TINAG: variants seen among roughly 807,000 people sequenced by gnomAD.
TINAG encodes tubulointerstitial nephritis antigen.
TINAG carries 83 observed loss-of-function variants against 72.7 expected under a neutral mutation model. The ratio of observed to expected loss-of-function variants is 1.14; its 90% CI spans 0.96 to 1.37. The LOEUF (loss-of-function observed/expected upper bound fraction) is 1.37. Ranked by LOEUF, TINAG falls within the 40% of genes most tolerant of loss-of-function variation. The probability of loss-of-function intolerance (pLI) is 0.00; values close to 1 mark genes in which losing one functional copy is unlikely to be tolerated. For synonymous variants in TINAG, 234 were observed against 189.9 expected (o/e 1.23, Z -1.91); for missense variants, 685 against 576.6 (o/e 1.19, Z -1.93).
At chr6:54,323,741 G>T (rs1428167699) in intron 3 of TINAG, among the ~76,000 whole-genome samples, 1 of 152,178 alleles carries the variant, frequency 6.6e-6, no homozygotes, top group Non-Finnish European at 1.5e-5. Context: ...ATCATTTGAG[G>T]TCAGGAGTTT....
chr6:54,320,448 C>T, intron 1 of TINAG, 131 bp from the exon 2 acceptor site: 5 of 627,494 alleles, frequency 8.0e-6, no homozygotes, highest in Non-Finnish European at 1.3e-5. Context: ...ACATGGATTT[C>T]TATCAGCTTT....
intron 4 of TINAG, among the ~76,000 whole-genome samples, chr6:54,334,720 G>A (rs1321521202): frequency 6.6e-6 from 1 of 152,062 alleles, no homozygotes; most frequent in African/African-American, 2.4e-5. Flanking sequence ...TCCTGAATTG[G>A]CCAATGCTAA....
chr6:54,377,127 C>T (rs1354700038), intron 9 of TINAG, among the ~76,000 whole-genome samples: 1 of 151,952 alleles, frequency 6.6e-6, no homozygotes, highest in Non-Finnish European at 1.5e-5. Context: ...TGTGGATTTC[C>T]TTGAGGAAAA....
At chr6:54,343,405 CTG>C (rs1350358489) in intron 5 of TINAG, 56 bp downstream of exon 5, 4 of 1,355,504 alleles carry the variant, frequency 3.0e-6, no homozygotes, top group Non-Finnish European at 3.9e-6. Flanking sequence ...GCTCTAGAGA[CTG>C]AGAGAATAAT....
In TINAG at chr6:54,351,370, G is replaced by T. The variant is rs761456366; in HGVS notation, c.1099G>T (p.Glu367Ter). ...VSSNETEIMK[E>*]IMQNGPVQAI... is the part of the protein sequence containing the mutation. ...CATCCAGGAAACTGAGATAATGAAA[G>T]AAATCATGCAAAATGGACCAGTTCA... Residue 367 changes from glutamate (E) to a stop codon, truncating the protein, a stop_gained, in exon 8 of 11, where the codon GAA (glutamate) becomes TAA (stop). Transcript: ENST00000259782. LOFTEE classifies it high-confidence loss of function. 1 of 1,610,082 alleles carries T rather than the reference G, an allele frequency of 6.2e-7. No individual in the cohort carries two copies. The highest frequency in any genetic ancestry group is 8.5e-7 in the Non-Finnish European group (1 of 1,177,820).
intron 9 of TINAG, among the ~76,000 whole-genome samples, chr6:54,356,016 G>A (rs1441153800): frequency 6.6e-6 from 1 of 151,660 alleles, no homozygotes; most frequent in African/African-American, 2.4e-5. Context: ...CTAACACTGG[G>A]TTTGAAAGAA....
chr6:54,340,622 C>T (rs1784974204), intron 4 of TINAG, among the ~76,000 whole-genome samples: 1 of 152,064 alleles, frequency 6.6e-6, no homozygotes. Flanking sequence ...TATGTGCCTG[C>T]TGCTCCTCAA....
chr6:54,328,661 T>C (rs941932343), intron 4 of TINAG, among the ~76,000 whole-genome samples: 1 of 151,870 alleles, frequency 6.6e-6, no homozygotes, highest in African/African-American at 2.4e-5. Flanking sequence ...AGGTGGATAA[T>C]AACAAACTCC....
intron 9 of TINAG, among the ~76,000 whole-genome samples, chr6:54,364,812 G>T (rs866947311): frequency 6.6e-6 from 1 of 150,984 alleles, no homozygotes. Flanking sequence ...TCTAGCTCTG[G>T]TTAAAGATAT....
chr6:54,355,212 G>A (rs1762996470), intron 9 of TINAG, among the ~76,000 whole-genome samples: 1 of 151,862 alleles, frequency 6.6e-6, no homozygotes, highest in Non-Finnish European at 1.5e-5. Context: ...GTGTGGTTAT[G>A]AGACCACTTT....
At chr6:54,366,091 A>T (rs12189890) in intron 9 of TINAG, among the ~76,000 whole-genome samples, 23,989 of 151,604 alleles carry the variant, frequency 0.16, 2,032 homozygotes, top group Non-Finnish European at 0.18. Flanking sequence ...TAGAACTCTC[A>T]CGAAATACAA....
At chr6:54,358,406 G>A (rs761319766) in intron 9 of TINAG, among the ~76,000 whole-genome samples, 13 of 151,602 alleles carry the variant, frequency 8.6e-5, no homozygotes, top group African/African-American at 2.2e-4. Context: ...CACTAAATAC[G>A]GTACTGATCC....
intron 9 of TINAG, among the ~76,000 whole-genome samples, chr6:54,366,813 T>C (rs540857699): frequency 2.4e-4 from 36 of 151,586 alleles, no homozygotes; most frequent in African/African-American, 8.7e-4. Flanking sequence ...TAAGGATATA[T>C]GAAAACAGAA....
intron 3 of TINAG, among the ~76,000 whole-genome samples, chr6:54,322,730 T>G (rs1784521047): frequency 6.6e-6 from 1 of 152,208 alleles, no homozygotes; most frequent in Non-Finnish European, 1.5e-5. Flanking sequence ...TTCCTCTGTG[T>G]GTTTGTGAGT....
chr6:54,313,248 G>A (rs1252190120), intron 1 of TINAG, among the ~76,000 whole-genome samples: 1 of 152,076 alleles, frequency 6.6e-6, no homozygotes, highest in East Asian at 1.9e-4. Flanking sequence ...TTAGTAACAT[G>A]ATGAGAATAC....
intron 8 of TINAG, among the ~76,000 whole-genome samples, chr6:54,353,299 A>G (rs1186086412): frequency 1.3e-5 from 2 of 151,882 alleles, no homozygotes; most frequent in Admixed American, 1.3e-4. Context: ...GCCACTAGCA[A>G]TATCTTCACA....
Position 54,380,485 on chromosome 6 carries a change from AT to A in TINAG, c.1251-37del, listed in dbSNP as rs112878820. The A allele has an allele frequency of 2.1e-3, 3,335 of 1,566,830 alleles. 73 individuals carry two copies. The African/African-American group carries it at 0.041, about 19-fold the overall frequency. ...CATTCTCTCAAGAAGCAAACCAAACATTTTAACCATACCAATCTTTATTATT... is the reference window on the plus strand; with the variant it reads ...CATTCTCTCAAGAAGCAAACCAAACATTTAACCATACCAATCTTTATTATT... On this transcript the variant is annotated intron_variant, in intron 9 of 10. Coordinates refer to ENST00000259782, the MANE Select transcript of TINAG (RefSeq NM_014464.4).
Position 54,328,630 on chromosome 6 carries a change from T to C in TINAG, c.624+1714T>C, listed in dbSNP as rs576587054. 1.6e-3 allele frequency among the ~76,000 whole-genome samples: 238 copies of C among 152,086 alleles called. 3 individuals carry two copies. Among genetic ancestry groups the C allele is most frequent in the Middle Eastern group, 0.014 (4 of 294 alleles). ...TTGGACAGAGAATGAGTTTGATGAA[T>C]TGTCAGAAGTAGGCTTCAGAAGGTG... On this transcript the variant is annotated intron_variant, in intron 4 of 10. Coordinates refer to ENST00000259782, the MANE Select transcript of TINAG (RefSeq NM_014464.4).
chr6:54,337,819 G>A (rs1251359144), intron 4 of TINAG, among the ~76,000 whole-genome samples: 4 of 152,192 alleles, frequency 2.6e-5, no homozygotes, highest in Non-Finnish European at 5.9e-5. Context: ...AGGGCTGATG[G>A]TGCGGTAGAA....
Sources: gnomAD v4.1 joint callset for allele counts (sites outside exome capture counted in the v4.1 genomes callset) on GRCh38, gnomAD v4.1.1 for gene constraint, MANE v1.5 for transcripts, NCBI Gene and HGNC (gene_info 2026-07-23, HGNC 2026-07-21) for gene names.